Variants in KCNC1 observed in about 807,000 individuals in gnomAD.
The protein encoded by KCNC1 is potassium voltage-gated channel subfamily C member 1.
A neutral mutation model predicts 43.4 loss-of-function variants in KCNC1; 8 were observed. That is an observed-to-expected ratio of 0.18 (90% CI 0.11 to 0.33). KCNC1 has a LOEUF of 0.33. Ranked by LOEUF, KCNC1 falls within the 10% of genes least tolerant of loss-of-function variation. The pLI is 1.00. For missense variants in KCNC1, 420 were observed against 836.0 expected (o/e 0.50, Z 6.14); for synonymous variants, 361 against 360.5 (o/e 1.00, Z -0.01).
At position 17,779,188 on chromosome 11, in the gene KCNC1, C is replaced by A; in HGVS notation, c.1505-268C>A. On this transcript the variant is annotated intron_variant, in intron 2 of 3. Coordinates refer to ENST00000265969, the MANE Select transcript of KCNC1 (RefSeq NM_001112741.2). The surrounding 1 kb of genome is among the most constrained non-coding windows in gnomAD (Gnocchi z 7.2). ...CCCCCAGCACCACACCTGCTGGATC[C>A]ATCACCAACTCATCTTTTTGCAAAC... 2 of 389,074 alleles carry A rather than the reference C, an allele frequency of 5.1e-6. No homozygotes were observed. Among genetic ancestry groups the A allele is most frequent in the Non-Finnish European group, 9.2e-6 (2 of 218,270 alleles). The allele number at this position is 389,074 out of a possible 1,614,324, so 24.1% of individuals were successfully genotyped here.
chr11:17,775,316 CCAG>C, intron 2 of KCNC1: 5 of 774,506 alleles, frequency 6.5e-6, no homozygotes, highest in Non-Finnish European at 7.8e-6. Context: ...CCCAGTGGTG[CCAG>C]CAGCACCTGC....
chr11:17,743,193 GAAGTT>G (rs1848861245), intron 1 of KCNC1, among the ~76,000 whole-genome samples: 1 of 152,234 alleles, frequency 6.6e-6, no homozygotes, highest in Non-Finnish European at 1.5e-5. Flanking sequence ...GAGGCTCAAT[GAAGTT>G]AAGTAACTTA....
At chr11:17,774,794 G>A (rs1017974662) in intron 2 of KCNC1, 20 of 985,338 alleles carry the variant, frequency 2.0e-5, no homozygotes, top group East Asian at 2.3e-4. Flanking sequence ...TGCCTCCCCC[G>A]TCACCAACTG....
chr11:17,745,450 C>T (rs561264082), intron 1 of KCNC1, among the ~76,000 whole-genome samples: 31 of 152,180 alleles, frequency 2.0e-4, no homozygotes, highest in Non-Finnish European at 3.5e-4. Flanking sequence ...ACAGCTACCC[C>T]CCCGTGGAAG....
rs1029863278 is a variant in KCNC1, at chr11:17,777,956, G to A, written c.1505-1500G>A. The A allele has an allele frequency of 7.2e-5, 41 of 570,598 alleles. No homozygotes were observed. Among genetic ancestry groups the A allele is most frequent in the African/African-American group, 4.1e-4 (20 of 49,022 alleles). The allele number at this position is 570,598 out of a possible 1,614,324, so 35.3% of individuals were successfully genotyped here. On this transcript the variant is annotated intron_variant, in intron 2 of 3. Transcript: ENST00000265969. This position sits in a 1 kb window ranked among gnomAD's most constrained non-coding sequence, Gnocchi z 4.3. ...AGTTACATGATGTGAACAGGATCAC[G>A]GGAGAGTGTTCAATCGGGTGGACAT... is the stretch of plus-strand genomic sequence containing the variant.
At chr11:17,748,358 G>A (rs1354513278) in intron 1 of KCNC1, among the ~76,000 whole-genome samples, 4 of 152,058 alleles carry the variant, frequency 2.6e-5, no homozygotes, top group Admixed American at 1.3e-4. Context: ...GGCTGGGCTC[G>A]GAGTCAAAGG....
intron 1 of KCNC1, among the ~76,000 whole-genome samples, chr11:17,741,017 C>T (rs1045870586): frequency 6.6e-6 from 1 of 152,040 alleles, no homozygotes; most frequent in African/African-American, 2.4e-5. Flanking sequence ...AGTGCACCCC[C>T]TTGCCTCGGA....
At chr11:17,749,265 C>T (rs920988301) in intron 1 of KCNC1, among the ~76,000 whole-genome samples, 14 of 152,256 alleles carry the variant, frequency 9.2e-5, no homozygotes, top group Non-Finnish European at 2.1e-4. Flanking sequence ...CACTGCACTG[C>T]GAGCACTGGT....
chr11:17,772,687 A>G (rs888327318), intron 2 of KCNC1, 89 bp downstream of exon 2: 3 of 1,546,936 alleles, frequency 1.9e-6, no homozygotes, highest in African/African-American at 2.7e-5. Flanking sequence ...CTGCTTCCTT[A>G]GTTCCGTGGG....
intron 1 of KCNC1, among the ~76,000 whole-genome samples, chr11:17,751,424 G>A (rs918980260): frequency 6.6e-6 from 1 of 152,200 alleles, no homozygotes; most frequent in Admixed American, 6.5e-5. Flanking sequence ...ATGGATGGAG[G>A]ACCATGGATG....
chr11:17,759,029 G>T (rs955500029), intron 1 of KCNC1, among the ~76,000 whole-genome samples: 3 of 152,198 alleles, frequency 2.0e-5, no homozygotes, highest in Non-Finnish European at 4.4e-5. Context: ...CCAATAGAAG[G>T]CCGTTTAATC....
chr11:17,752,873 C>T (rs1035791566), intron 1 of KCNC1, among the ~76,000 whole-genome samples: 1 of 152,222 alleles, frequency 6.6e-6, no homozygotes, highest in African/African-American at 2.4e-5. Context: ...CTGCCTTCAT[C>T]ATTACTGTTG....
intron 1 of KCNC1, among the ~76,000 whole-genome samples, chr11:17,738,352 A>G (rs1590089981): frequency 1.7e-5 from 2 of 119,514 alleles, no homozygotes; most frequent in Admixed American, 8.6e-5. Flanking sequence ...GGGGGATGGG[A>G]GGTTGAACTA....
At chr11:17,762,416 C>T (rs1347889740) in intron 1 of KCNC1, among the ~76,000 whole-genome samples, 2 of 152,206 alleles carry the variant, frequency 1.3e-5, no homozygotes, top group Non-Finnish European at 2.9e-5. Context: ...TGTGTCTGAA[C>T]ACTTCCTTCT....
chr11:17,748,975 G>A (rs1382813167), intron 1 of KCNC1, among the ~76,000 whole-genome samples: 1 of 152,190 alleles, frequency 6.6e-6, no homozygotes, highest in African/African-American at 2.4e-5. Context: ...AGGGTCGGGG[G>A]CCTTGCCGGG....
intron 1 of KCNC1, among the ~76,000 whole-genome samples, chr11:17,758,739 A>G (rs995318416): frequency 2.6e-5 from 4 of 152,236 alleles, no homozygotes; most frequent in Non-Finnish European, 4.4e-5. Flanking sequence ...TCTGAGCAGT[A>G]GGTCTCAACA....
At chr11:17,758,929 T>C (rs1029824498) in intron 1 of KCNC1, among the ~76,000 whole-genome samples, 5 of 152,220 alleles carry the variant, frequency 3.3e-5, no homozygotes, top group Non-Finnish European at 7.3e-5. Flanking sequence ...CATTAGCCCT[T>C]AACCAGAGAG....
intron 2 of KCNC1, chr11:17,775,268 G>A: frequency 3.0e-6 from 3 of 985,468 alleles, no homozygotes; most frequent in Non-Finnish European, 3.6e-6. Flanking sequence ...TGGCACGCTG[G>A]GTTCTGAGGG....
intron 1 of KCNC1, among the ~76,000 whole-genome samples, chr11:17,770,923 C>T (rs913106465): frequency 2.6e-5 from 4 of 152,204 alleles, no homozygotes; most frequent in Non-Finnish European, 5.9e-5. Context: ...CTCAAACAGT[C>T]TCTCTCACAA....
Sources: allele counts gnomAD v4.1 joint callset (sites outside exome capture counted in the v4.1 genomes callset), GRCh38; gene constraint gnomAD v4.1.1; non-coding constraint Gnocchi (gnomAD v3.1); transcripts MANE v1.5; gene names NCBI Gene and HGNC (gene_info 2026-07-23, HGNC 2026-07-21).